LINGO2: variants seen among roughly 807,000 people sequenced by gnomAD.
LINGO2 encodes leucine-rich repeat and immunoglobulin-like domain-containing nogo receptor-interacting protein 2.
In LINGO2, 14 loss-of-function variants were observed where a neutral mutation model predicts 30.6. The ratio of observed to expected loss-of-function variants is 0.46; its 90% CI spans 0.30 to 0.72. LINGO2 has a LOEUF of 0.72. Ranked by LOEUF, LINGO2 falls within the 30% of genes least tolerant of loss-of-function variation. LINGO2 has a pLI of 0.07. For synonymous variants in LINGO2, 317 were observed against 288.5 expected, an observed-to-expected ratio of 1.10 and a Z score of -1.00; for missense variants, 729 against 751.7, an observed-to-expected ratio of 0.97 and a Z score of 0.35.
chr9:28,020,439 G>A (rs1032005713), intron 4 of LINGO2, among the ~76,000 whole-genome samples: 1 of 152,086 alleles, frequency 6.6e-6, no homozygotes, highest in Non-Finnish European at 1.5e-5. Context: ...TGAGACATGC[G>A]AATCACTTTA....
intron 1 of LINGO2, among the ~76,000 whole-genome samples, chr9:28,620,216 T>C (rs1211091322): frequency 6.6e-6 from 1 of 152,112 alleles, no homozygotes. Flanking sequence ...AGCTGCAAGA[T>C]AGATGACTAG....
At chr9:28,747,506 A>T in the LINGO2 span, among the ~76,000 whole-genome samples, 1 of 152,088 alleles carries the variant, frequency 6.6e-6, no homozygotes, top group South Asian at 2.1e-4. Context: ...AAGCTGAAAG[A>T]GCACAGTGTA....
chr9:28,364,205 T>G (rs1820568676), intron 3 of LINGO2, among the ~76,000 whole-genome samples: 1 of 152,210 alleles, frequency 6.6e-6, no homozygotes, highest in South Asian at 2.1e-4. Flanking sequence ...ACATAACAGT[T>G]TGGTCTATGA....
At chr9:28,712,057 TAA>T in the LINGO2 span, among the ~76,000 whole-genome samples, 13 of 152,002 alleles carry the variant, frequency 8.6e-5, no homozygotes, top group African/African-American at 2.9e-4. Context: ...AGCAATTATA[TAA>T]AAAAGATTTA....
intron 1 of LINGO2, among the ~76,000 whole-genome samples, chr9:28,528,221 G>T (rs149784331): frequency 6.6e-6 from 1 of 152,094 alleles, no homozygotes; most frequent in Non-Finnish European, 1.5e-5. Flanking sequence ...AAATTACTTC[G>T]GTTTTCTGTT....
chr9:28,362,552 C>T (rs1223296814), intron 3 of LINGO2, among the ~76,000 whole-genome samples: 1 of 151,926 alleles, frequency 6.6e-6, no homozygotes, highest in African/African-American at 2.4e-5. Flanking sequence ...CTCACCGCAA[C>T]CTCCGCCTCC....
the LINGO2 span, among the ~76,000 whole-genome samples, chr9:29,032,001 T>G: frequency 6.6e-6 from 1 of 152,284 alleles, no homozygotes; most frequent in South Asian, 2.1e-4. Flanking sequence ...AGGGCTTTCC[T>G]AGACAAAGTT....
At chr9:28,312,377 G>C (rs564198905) in intron 3 of LINGO2, among the ~76,000 whole-genome samples, 1 of 151,596 alleles carries the variant, frequency 6.6e-6, no homozygotes, top group Non-Finnish European at 1.5e-5. Context: ...AATAGAGAGA[G>C]GGTGGTCAAG....
At chr9:29,209,582 T>C in the LINGO2 span, among the ~76,000 whole-genome samples, 4 of 152,136 alleles carry the variant, frequency 2.6e-5, no homozygotes, top group African/African-American at 7.2e-5. Context: ...TGCCATTAGA[T>C]GGGTAAGCCT....
chr9:28,708,742 G>C, the LINGO2 span, among the ~76,000 whole-genome samples: 5 of 104,704 alleles, frequency 4.8e-5, no homozygotes, highest in African/African-American at 2.6e-4. Flanking sequence ...GCAGAAGCCT[G>C]CTGTCTGTTT....
the LINGO2 span, among the ~76,000 whole-genome samples, chr9:28,719,753 A>C: frequency 1.8e-4 from 27 of 152,138 alleles, no homozygotes; most frequent in Admixed American, 1.4e-3. Flanking sequence ...TTACTCCTCT[A>C]AGATGCAGGT....
At chr9:28,046,966 G>T (rs981806810) in intron 4 of LINGO2, among the ~76,000 whole-genome samples, 34 of 152,118 alleles carry the variant, frequency 2.2e-4, no homozygotes, top group African/African-American at 7.0e-4. Context: ...ACAGTGAGAT[G>T]GGAGAAAGCA....
chr9:28,104,024 T>C (rs981989813), intron 4 of LINGO2, among the ~76,000 whole-genome samples: 5 of 152,076 alleles, frequency 3.3e-5, no homozygotes, highest in African/African-American at 9.7e-5. Flanking sequence ...AACCTCTTTT[T>C]TCTATTACCT....
At chr9:29,058,767 C>G in the LINGO2 span, among the ~76,000 whole-genome samples, 4 of 151,926 alleles carry the variant, frequency 2.6e-5, no homozygotes, top group East Asian at 7.7e-4. Context: ...AGAATGTTCT[C>G]TGACTTCTCA....
At chr9:29,092,054 A>T in the LINGO2 span, among the ~76,000 whole-genome samples, 1 of 152,052 alleles carries the variant, frequency 6.6e-6, no homozygotes, top group Non-Finnish European at 1.5e-5. Flanking sequence ...AATAATAATG[A>T]TGATCATACA....
At chr9:28,091,335 C>G (rs2133265113) in intron 4 of LINGO2, among the ~76,000 whole-genome samples, 1 of 152,224 alleles carries the variant, frequency 6.6e-6, no homozygotes, top group Admixed American at 6.5e-5. Context: ...CTACAGTAAC[C>G]AAAACAGCAT....
At chr9:29,010,614 A>AT in the LINGO2 span, among the ~76,000 whole-genome samples, 8 of 152,190 alleles carry the variant, frequency 5.3e-5, no homozygotes, top group Non-Finnish European at 1.0e-4. Flanking sequence ...TACAACATCA[A>AT]TTTTTTTTAC....
At chr9:28,022,333 AAC>A (rs1282356669) in intron 4 of LINGO2, among the ~76,000 whole-genome samples, 1 of 152,046 alleles carries the variant, frequency 6.6e-6, no homozygotes, top group Non-Finnish European at 1.5e-5. Context: ...GCTACTATTA[AAC>A]AGTTCTTTTA....
At chr9:28,040,135 TTA>T (rs1824130620) in intron 4 of LINGO2, among the ~76,000 whole-genome samples, 1 of 152,170 alleles carries the variant, frequency 6.6e-6, no homozygotes, top group African/African-American at 2.4e-5. Context: ...ACTCCCTTCC[TTA>T]TAAACTAAAT....
Sources: gnomAD v4.1 joint callset for allele counts (sites outside exome capture counted in the v4.1 genomes callset) on GRCh38, gnomAD v4.1.1 for gene constraint, MANE v1.5 for transcripts, NCBI Gene and HGNC (gene_info 2026-07-23, HGNC 2026-07-21) for gene names.